The following POLD3 variants were observed in gnomAD, a reference collection of about 807,000 sequenced individuals.
The protein encoded by POLD3 is DNA polymerase delta subunit 3.
POLD3 carries 19 observed loss-of-function variants against 58.2 expected under a neutral mutation model. The observed-to-expected ratio is 0.33, with a 90% CI of 0.23 to 0.48. POLD3 has a LOEUF of 0.48. Ranked by LOEUF, POLD3 falls within the 20% of genes least tolerant of loss-of-function variation. POLD3 has a pLI of 0.99. For missense variants in POLD3, 504 were observed against 545.5 expected (o/e 0.92, Z 0.76); for synonymous variants, 172 against 193.5 (o/e 0.89, Z 0.92).
intron 8 of POLD3, among the ~76,000 whole-genome samples, chr11:74,625,872 TGTGTGTGTG>T (rs1319344527): frequency 3.2e-5 from 1 of 31,328 alleles, no homozygotes; most frequent in Non-Finnish European, 4.7e-5. Flanking sequence ...TGTGCCTAGT[TGTGTGTGTG>T]TGTGTGTGTG....
At chr11:74,666,244 G>A (rs1452528713) in intron 4 of POLD3, among the ~76,000 whole-genome samples, 1 of 152,224 alleles carries the variant, frequency 6.6e-6, no homozygotes, top group Non-Finnish European at 1.5e-5. Flanking sequence ...TTTAAAGGGT[G>A]CAGTGGTTCA....
At chr11:74,653,966 G>C (rs898454188) in intron 4 of POLD3, among the ~76,000 whole-genome samples, 1 of 152,182 alleles carries the variant, frequency 6.6e-6, no homozygotes. Flanking sequence ...GCAGGAACAG[G>C]CATGTCACAT....
chr11:74,624,486 T>G (rs2032367883), intron 7 of POLD3, among the ~76,000 whole-genome samples: 1 of 152,240 alleles, frequency 6.6e-6, no homozygotes, highest in Non-Finnish European at 1.5e-5. Context: ...GATACCAATT[T>G]TTTTCTACAC....
chr11:74,604,367 A>G (rs1259417053), intron 2 of POLD3, among the ~76,000 whole-genome samples: 1 of 152,162 alleles, frequency 6.6e-6, no homozygotes, highest in Non-Finnish European at 1.5e-5. Flanking sequence ...TTACCAAACT[A>G]CTTCTTGATT....
intron 3 of POLD3, among the ~76,000 whole-genome samples, chr11:74,605,269 C>G (rs2031636853): frequency 6.6e-6 from 1 of 152,158 alleles, no homozygotes; most frequent in Non-Finnish European, 1.5e-5. Flanking sequence ...AGGCTGGGAA[C>G]ATTTTATTCT....
At position 74,599,213 on chromosome 11, in the gene POLD3, G is replaced by A. The variant is rs572669647; in HGVS notation, c.116+5097G>A. ...CCATGCTAGCTGATTTTTTTATTTC[G>A]TAGAGTTGGGATCTTGCTGTGTTGA... On this transcript the variant is annotated intron_variant, in intron 2 of 11. Coordinates refer to ENST00000263681, the MANE Select transcript of POLD3 (RefSeq NM_006591.3). 2.5e-4 allele frequency among the ~76,000 whole-genome samples: 38 copies of A among 152,076 alleles called. No individual in the cohort carries two copies. The South Asian group carries it at 7.3e-3, about 29-fold the overall frequency.
chr11:74,658,039 C>A (rs1411356096), intron 4 of POLD3, among the ~76,000 whole-genome samples: 3 of 152,070 alleles, frequency 2.0e-5, no homozygotes. Context: ...TCATCTTGTA[C>A]TTGGGTATTT....
intron 4 of POLD3, among the ~76,000 whole-genome samples, chr11:74,665,255 C>T (rs574902401): frequency 1.4e-4 from 21 of 149,468 alleles, no homozygotes; most frequent in African/African-American, 4.2e-4. Context: ...ACCCAGGAAG[C>T]GGAGGTTGCA....
intron 4 of POLD3, among the ~76,000 whole-genome samples, chr11:74,666,032 C>A (rs2033264024): frequency 6.6e-6 from 1 of 152,136 alleles, no homozygotes; most frequent in Admixed American, 6.5e-5. Context: ...ACCTATTAAA[C>A]CCAATATGTT....
intron 1 of POLD3, chr11:74,593,092 T>C: frequency 8.1e-6 from 8 of 993,690 alleles, no homozygotes; most frequent in Non-Finnish European, 8.6e-6. Flanking sequence ...GTCTTAACTG[T>C]GTTAAGTTAC....
chr11:74,632,663 T>C (rs1449185085), intron 9 of POLD3, among the ~76,000 whole-genome samples: 4 of 152,140 alleles, frequency 2.6e-5, no homozygotes, highest in African/African-American at 9.7e-5. Flanking sequence ...CTTCCATGGA[T>C]TTGTTGAAAT....
chr11:74,651,602 TG>T (rs2033069357), intron 4 of POLD3, among the ~76,000 whole-genome samples: 1 of 152,186 alleles, frequency 6.6e-6, no homozygotes, highest in Non-Finnish European at 1.5e-5. Context: ...AGGGCCATGT[TG>T]GGGGTTGTCA....
chr11:74,601,008 C>T (rs1416391210), intron 2 of POLD3, among the ~76,000 whole-genome samples: 5 of 152,018 alleles, frequency 3.3e-5, no homozygotes, highest in African/African-American at 4.8e-5. Flanking sequence ...TGTGAGCCAC[C>T]GCACCCAGCC....
chr11:74,640,201 T>C (rs1050991255), intron 11 of POLD3, among the ~76,000 whole-genome samples: 35 of 152,122 alleles, frequency 2.3e-4, no homozygotes, highest in Non-Finnish European at 2.8e-4. Flanking sequence ...TAGAAGTAAG[T>C]GTTTAAGATA....
At chr11:74,667,428 G>A (rs2033284556) in intron 4 of POLD3, among the ~76,000 whole-genome samples, 1 of 152,150 alleles carries the variant, frequency 6.6e-6, no homozygotes, top group Non-Finnish European at 1.5e-5. Flanking sequence ...GTCCCAGCTG[G>A]AGGCTGAGGC....
downstream of POLD3, among the ~76,000 whole-genome samples, chr11:74,646,248 C>T (rs1005229007): frequency 7.2e-5 from 11 of 152,212 alleles, no homozygotes; most frequent in Non-Finnish European, 1.5e-4. Flanking sequence ...GCTGGGATTA[C>T]AGGTGTGAGC....
At position 74,625,584 on chromosome 11, in the gene POLD3, T is replaced by C; in HGVS notation, c.899+11T>C. Reference sequence around the variant, plus strand: ...GAAGGAAAAAAAAAGGTAGGAAAATTTTGTTGCTTATTGGGGAAGAGTCTT... The same window carrying C: ...GAAGGAAAAAAAAAGGTAGGAAAATCTTGTTGCTTATTGGGGAAGAGTCTT... On this transcript the variant is annotated intron_variant, in intron 8 of 11. Coordinates refer to ENST00000263681, the MANE Select transcript of POLD3 (RefSeq NM_006591.3). 1.9e-6 allele frequency: 3 copies of C among 1,600,446 alleles called. No homozygotes were observed. Among genetic ancestry groups the C allele is most frequent in the Non-Finnish European group, 2.6e-6 (3 of 1,175,482 alleles).
At chr11:74,646,371 T>C (rs532237109), downstream of POLD3, among the ~76,000 whole-genome samples, 90 of 152,338 alleles carry the variant, frequency 5.9e-4, no homozygotes, top group Admixed American at 2.9e-3. Flanking sequence ...CAACCTCTTA[T>C]CTGATGTCTG....
At chr11:74,655,053 G>C (rs2095709845) in intron 4 of POLD3, among the ~76,000 whole-genome samples, 1 of 152,250 alleles carries the variant, frequency 6.6e-6, no homozygotes, top group Non-Finnish European at 1.5e-5. Flanking sequence ...TAGAGGAAAT[G>C]TGAGAGTGCC....
Sources: allele counts gnomAD v4.1 joint callset (sites outside exome capture counted in the v4.1 genomes callset), GRCh38; gene constraint gnomAD v4.1.1; transcripts MANE v1.5; gene names NCBI Gene and HGNC (gene_info 2026-07-23, HGNC 2026-07-21).